The following ACSM3 variants were observed in gnomAD, a reference collection of about 807,000 sequenced individuals.
ACSM3 encodes the protein acyl-CoA synthetase medium chain family member 3.
ACSM3 carries 61 observed loss-of-function variants against 74.1 expected under a neutral mutation model. That is an observed-to-expected ratio of 0.82 (90% CI 0.67 to 1.02). The LOEUF (loss-of-function observed/expected upper bound fraction) is 1.02. Ranked by LOEUF, ACSM3 falls within the 50% of genes least tolerant of loss-of-function variation. The pLI, the probability that ACSM3 is intolerant of heterozygous loss-of-function variation, is 0.00. For missense variants in ACSM3, 660 were observed against 697.0 expected, an observed-to-expected ratio of 0.95 and a Z score of 0.60; for synonymous variants, 213 against 241.5, an observed-to-expected ratio of 0.88 and a Z score of 1.09.
At chr16:20,792,741 T>G (rs1481407865) in intron 12 of ACSM3, 2 of 984,802 alleles carry the variant, frequency 2.0e-6, no homozygotes, top group African/African-American at 3.5e-5. Context: ...GCATCAGATG[T>G]CAGAAGTGGG....
In ACSM3 at chr16:20,792,445, T is replaced by C. The variant is rs755474030; in HGVS notation, c.1554+110T>C. 6 of 1,551,080 alleles carry C rather than the reference T, an allele frequency of 3.9e-6. No homozygotes were observed. In the African/African-American group the frequency reaches 5.5e-5, roughly 14 times the overall value. ...AACCAAATGATTCATTTACTAAATA[T>C]GCAAGTCAGATAGAAATATGCTAGT... On this transcript the variant is annotated intron_variant, in intron 12 of 13. Transcript: ENST00000289416.
At chr16:20,759,325 A>G (rs890660668), upstream of ACSM3, among the ~76,000 whole-genome samples, 6 of 152,184 alleles carry the variant, frequency 3.9e-5, no homozygotes, top group Non-Finnish European at 8.8e-5. Flanking sequence ...TGGGAGGCTG[A>G]GGTGGGCGGA....
chr16:20,715,462 T>G (rs1451169834), intron 1 of ACSM3, among the ~76,000 whole-genome samples: 1 of 151,956 alleles, frequency 6.6e-6, no homozygotes, highest in Non-Finnish European at 1.5e-5. Flanking sequence ...AAATTAGCCA[T>G]GTGTGGTGGC....
rs79212543 is a variant in ACSM3 at position 20,705,834 on chromosome 16, C to T, written c.-190+31012C>T. Among the ~76,000 whole-genome samples, 909 of 152,186 alleles carry T rather than the reference C, an allele frequency of 6.0e-3. 9 individuals carry two copies. Among genetic ancestry groups the T allele is most frequent in the Non-Finnish European group, 9.0e-3 (613 of 68,016 alleles). The stretch of plus-strand genomic sequence containing the variant: ...CAGTGCTACAGCTGTAATCATTATG[C>T]TCAAGGACTAAAAAATTATGTTCAA... On this transcript the variant is annotated intron_variant, in intron 1 of 3. Coordinates refer to the ACSM3 transcript ENST00000561584.
chr16:20,714,822 G>A (rs1289056063), intron 1 of ACSM3, among the ~76,000 whole-genome samples: 1 of 152,142 alleles, frequency 6.6e-6, no homozygotes, highest in African/African-American at 2.4e-5. Context: ...AAGAGGCAAA[G>A]ATACAAATCT....
chr16:20,755,779 TC>T (rs1168683945), intron 3 of ACSM3, among the ~76,000 whole-genome samples: 1,832 of 46,302 alleles, frequency 0.04, 59 homozygotes, highest in African/African-American at 0.1. Context: ...ATGCTATCCC[TC>T]CCCCCCCCCC....
chr16:20,730,572 G>A (rs777325919), intron 1 of ACSM3, among the ~76,000 whole-genome samples: 1 of 152,044 alleles, frequency 6.6e-6, no homozygotes, highest in Non-Finnish European at 1.5e-5. Context: ...GTGACACTAT[G>A]GGTCCCCTAC....
intron 1 of ACSM3, among the ~76,000 whole-genome samples, chr16:20,729,922 A>G (rs1187643789): frequency 6.6e-6 from 1 of 152,174 alleles, no homozygotes; most frequent in Non-Finnish European, 1.5e-5. Context: ...GCTCCATTTG[A>G]GCAGGTTCTT....
At chr16:20,772,521 C>T (rs1033938357) in intron 2 of ACSM3, among the ~76,000 whole-genome samples, 1 of 151,954 alleles carries the variant, frequency 6.6e-6, no homozygotes, top group Non-Finnish European at 1.5e-5. Context: ...TAATCCAGTT[C>T]GAGTTGATTT....
chr16:20,754,075 A>G (rs1271021892), intron 2 of ACSM3, among the ~76,000 whole-genome samples: 1 of 152,174 alleles, frequency 6.6e-6, no homozygotes, highest in Non-Finnish European at 1.5e-5. Context: ...TGGTCATTGG[A>G]AGGAATGCAG....
At chr16:20,713,736 T>C (rs923677075) in intron 1 of ACSM3, among the ~76,000 whole-genome samples, 7 of 152,080 alleles carry the variant, frequency 4.6e-5, no homozygotes, top group African/African-American at 1.7e-4. Flanking sequence ...GGACTTTAAT[T>C]AAACTCATGT....
intron 1 of ACSM3, among the ~76,000 whole-genome samples, chr16:20,747,730 T>G (rs963464311): frequency 1.3e-5 from 2 of 152,272 alleles, no homozygotes; most frequent in Non-Finnish European, 1.5e-5. Flanking sequence ...TACAGAAAGA[T>G]AATTCCATTT....
chr16:20,701,194 C>T (rs999310053), intron 1 of ACSM3, among the ~76,000 whole-genome samples: 1 of 152,132 alleles, frequency 6.6e-6, no homozygotes, highest in Non-Finnish European at 1.5e-5. Context: ...AGGAATAGGA[C>T]TTGAATCATG....
In ACSM3 at chr16:20,786,136, C is replaced by T. The variant is rs780432331; in HGVS notation, c.1202C>T (p.Pro401Leu). 1.9e-5 allele frequency: 30 copies of T among 1,608,832 alleles called. No individual in the cohort carries two copies. In the South Asian group the frequency reaches 3.2e-4, roughly 17 times the overall value. Residue 401 changes from proline (P) to leucine (L), a missense_variant, in exon 9 of 14, where the codon CCT (proline) becomes CTT (leucine). Transcript: ENST00000289416. The stretch of plus-strand genomic sequence containing the variant: ...ATTAAACCTGGCTCAATGGGAAAAC[C>T]TTCTCCTGCTTTCGATGTTAAGGTT... ...MKIKPGSMGK[P>L]SPAFDVKIVD...
At chr16:20,733,157 T>C (rs1025527375) in intron 1 of ACSM3, among the ~76,000 whole-genome samples, 1 of 152,160 alleles carries the variant, frequency 6.6e-6, no homozygotes, top group African/African-American at 2.4e-5. Context: ...TAAAAATATA[T>C]GGATGAAAAT....
At chr16:20,737,130 G>C (rs1173455217) in intron 1 of ACSM3, 2 of 1,614,124 alleles carry the variant, frequency 1.2e-6, no homozygotes, top group East Asian at 4.5e-5. Flanking sequence ...CGGATCCTTA[G>C]GGCTCTTCAC....
At chr16:20,780,543 A>G in intron 4 of ACSM3, 171 bp from the exon 5 acceptor site, 3 of 1,368,266 alleles carry the variant, frequency 2.2e-6, no homozygotes, top group Middle Eastern at 2.5e-4. Context: ...TCTAGAAAGC[A>G]CCTAAAAGGA....
rs759361026 is a variant in ACSM3, at chr16:20,786,205, C to T, written c.1224+47C>T. 1.5e-5 allele frequency: 24 copies of T among 1,592,192 alleles called. No homozygotes were observed. The East Asian group carries it at 2.3e-4, about 15-fold the overall frequency. On this transcript the variant is annotated intron_variant, in intron 9 of 13. Coordinates refer to ENST00000289416, the MANE Select transcript of ACSM3 (RefSeq NM_005622.4). ...AGAATGTTTAACAACCCAATCTGTACACTACCTACCTACCGCTTACCCCCA... is the reference window on the plus strand; with the variant it reads ...AGAATGTTTAACAACCCAATCTGTATACTACCTACCTACCGCTTACCCCCA...
intron 3 of ACSM3, among the ~76,000 whole-genome samples, chr16:20,757,913 T>C (rs1278226399): frequency 6.6e-6 from 1 of 152,174 alleles, no homozygotes; most frequent in Non-Finnish European, 1.5e-5. Context: ...TTGTCTTTGG[T>C]TCTGTTTATA....
Sources: gnomAD v4.1 joint callset for allele counts (sites outside exome capture counted in the v4.1 genomes callset) on GRCh38, gnomAD v4.1.1 for gene constraint, MANE v1.5 for transcripts, NCBI Gene and HGNC (gene_info 2026-07-23, HGNC 2026-07-21) for gene names.